The following MYT1L variants were observed in gnomAD, a reference collection of about 807,000 sequenced individuals.
MYT1L encodes the protein myelin transcription factor 1 like, also known as myelin transcription factor 1-like protein.
A neutral mutation model predicts 126.7 loss-of-function variants in MYT1L; 12 were observed. The ratio of observed to expected loss-of-function variants is 0.09; its 90% CI spans 0.06 to 0.15. The LOEUF (loss-of-function observed/expected upper bound fraction) is 0.15. Ranked by LOEUF, MYT1L falls within the 10% of genes least tolerant of loss-of-function variation. MYT1L has a pLI of 1.00. For synonymous variants in MYT1L, 541 were observed against 604.2 expected (o/e 0.90, Z 1.53); for missense variants, 979 against 1,585.2 (o/e 0.62, Z 6.49).
chr2:2,139,510 G>A (rs538376481), intron 3 of MYT1L, among the ~76,000 whole-genome samples: 32 of 151,996 alleles, frequency 2.1e-4, no homozygotes, highest in African/African-American at 2.4e-4. Flanking sequence ...GTGGTGGTGC[G>A]TGCCTATAAT....
intron 3 of MYT1L, among the ~76,000 whole-genome samples, chr2:2,150,546 C>G (rs1454486625): frequency 6.6e-6 from 1 of 152,144 alleles, no homozygotes; most frequent in African/African-American, 2.4e-5. Flanking sequence ...CTCTTTCCAA[C>G]TAAGACCAAT....
At chr2:2,076,545 A>T (rs991197214) in intron 3 of MYT1L, among the ~76,000 whole-genome samples, 73 of 152,216 alleles carry the variant, frequency 4.8e-4, no homozygotes, top group African/African-American at 1.7e-3. Flanking sequence ...AAGAACTCGA[A>T]AGAAAAAGAA....
At chr2:2,015,012 C>T (rs575522863) in intron 4 of MYT1L, among the ~76,000 whole-genome samples, 2 of 152,266 alleles carry the variant, frequency 1.3e-5, no homozygotes, top group African/African-American at 4.8e-5. Flanking sequence ...GCGTTAAAAT[C>T]AAAATTGTGT....
At chr2:1,847,412 G>T (rs2148480262) in intron 19 of MYT1L, among the ~76,000 whole-genome samples, 1 of 152,262 alleles carries the variant, frequency 6.6e-6, no homozygotes, top group African/African-American at 2.4e-5. Context: ...CTTCTGCATT[G>T]GAACAACTCC....
Position 1,979,543 on chromosome 2 carries a change from G to C in MYT1L, c.67C>G (p.Pro23Ala). Reference sequence around the variant, plus strand: ...AACCTGAACAGCTCTTGTATGGCTGGTTCCACGGGAACTGCAGAGAGATGG... The same window carrying C: ...AACCTGAACAGCTCTTGTATGGCTGCTTCCACGGGAACTGCAGAGAGATGG... ...RSKGVRVPVE[P>A]AIQELFSCPT... Residue 23 changes from proline (P) to alanine (A), a missense_variant, in exon 7 of 25, where the codon CCA (proline) becomes GCA (alanine). Pro to Ala is a conservative substitution (Grantham distance 27). Around this residue, in one of 12 missense-constraint regions of MYT1L, gnomAD observed 50 missense variants for 48.6 expected, o/e 1.03. Transcript: ENST00000647738. The surrounding 1 kb of genome is among the most constrained non-coding windows in gnomAD (Gnocchi z 4.0). 1 of 1,613,750 alleles carries C rather than the reference G, an allele frequency of 6.2e-7. No homozygotes were observed.
intron 4 of MYT1L, among the ~76,000 whole-genome samples, chr2:2,002,580 C>T (rs749197777): frequency 1.3e-5 from 2 of 152,194 alleles, no homozygotes; most frequent in East Asian, 3.9e-4. Context: ...AAGCATTATA[C>T]TAACTGCAAA....
chr2:1,928,669 G>GT lies in MYT1L; in HGVS notation c.506-5407dup, dbSNP rs373620284. Among the ~76,000 whole-genome samples, 1,093 of 151,680 alleles carry GT rather than the reference G, an allele frequency of 7.2e-3. 12 individuals are homozygous for GT. The highest frequency in any genetic ancestry group is 0.024 in the African/African-American group (1,001 of 41,364). On this transcript the variant is annotated intron_variant, in intron 9 of 24. Transcript: ENST00000647738. Reference sequence around the variant, plus strand: ...TGCTATTTTTGCATTTATCTTCCGAGTTTTTTTTTCTCCTTTCAATACTCT... The same window carrying GT: ...TGCTATTTTTGCATTTATCTTCCGAGTTTTTTTTTTCTCCTTTCAATACTCT...
intron 5 of MYT1L, among the ~76,000 whole-genome samples, chr2:1,985,611 C>T (rs1011873915): frequency 5.9e-5 from 9 of 152,200 alleles, no homozygotes; most frequent in African/African-American, 1.4e-4. Flanking sequence ...GACAACAACA[C>T]GTATTATCAT....
intron 5 of MYT1L, among the ~76,000 whole-genome samples, chr2:1,995,943 C>CA (rs2061799379): frequency 2.0e-5 from 3 of 152,014 alleles, no homozygotes; most frequent in Non-Finnish European, 2.9e-5. Context: ...AAGATGGGGT[C>CA]AATCCAGCCA....
intron 4 of MYT1L, among the ~76,000 whole-genome samples, chr2:2,039,720 A>C (rs2067314153): frequency 1.3e-5 from 2 of 152,332 alleles, no homozygotes; most frequent in Admixed American, 1.3e-4. Flanking sequence ...ATTTGGGCAT[A>C]GAAGTTGAGC....
rs773527884 is a variant in MYT1L at position 2,103,227 on chromosome 2, TG to T, written c.-303-49105del. ...AGCAATGAAACAAATATACTTACAATGGCCTCTACATGGGCCCAAATTTGAA... is the reference window on the plus strand; with the variant it reads ...AGCAATGAAACAAATATACTTACAATGCCTCTACATGGGCCCAAATTTGAA... On this transcript the variant is annotated intron_variant, in intron 3 of 24. Coordinates refer to ENST00000647738, the MANE Select transcript of MYT1L (RefSeq NM_001303052.2). 6.6e-5 allele frequency among the ~76,000 whole-genome samples: 10 copies of T among 152,294 alleles called. No individual in the cohort carries two copies. The South Asian group carries it at 1.2e-3, about 19-fold the overall frequency.
At chr2:2,261,169 A>G (rs952003614) in intron 2 of MYT1L, among the ~76,000 whole-genome samples, 6 of 140,574 alleles carry the variant, frequency 4.3e-5, no homozygotes, top group Admixed American at 7.1e-5. Flanking sequence ...GTGTGTGTGT[A>G]TGTGTTTCCA....
rs114899903 is a variant in MYT1L, at chr2:1,996,245, T to C, written c.-1+946A>G. On this transcript the variant is annotated intron_variant, in intron 5 of 24. Coordinates refer to ENST00000647738, the MANE Select transcript of MYT1L (RefSeq NM_001303052.2). Reference sequence around the variant, plus strand: ...GAGCACACAACCTAACCGTCTACAGTGGGGGCCGCCCTGCCTCAGTGTGGA... The same window carrying C: ...GAGCACACAACCTAACCGTCTACAGCGGGGGCCGCCCTGCCTCAGTGTGGA... Among the ~76,000 whole-genome samples, 846 of 152,318 alleles carry C rather than the reference T, an allele frequency of 5.6e-3. 7 individuals are homozygous for C. Among genetic ancestry groups the C allele is most frequent in the African/African-American group, 0.019 (794 of 41,576 alleles).
At chr2:2,167,119 G>A (rs987180605) in intron 3 of MYT1L, among the ~76,000 whole-genome samples, 5 of 152,158 alleles carry the variant, frequency 3.3e-5, no homozygotes, top group Non-Finnish European at 2.9e-5. Context: ...TAAAGGGCTG[G>A]TGCTTCTTGC....
At chr2:1,881,355 C>CGTGTGTGTGTGTGTGTGTGT (rs59171974) in intron 18 of MYT1L, among the ~76,000 whole-genome samples, 4 of 139,226 alleles carry the variant, frequency 2.9e-5, no homozygotes, top group East Asian at 2.2e-4. Flanking sequence ...TTTGCAGGTT[C>CGTGTGTGTGTGTGTGTGTGT]GTGTGTGTGT....
At chr2:1,960,498 G>A (rs114414164) in intron 8 of MYT1L, among the ~76,000 whole-genome samples, 1,862 of 152,290 alleles carry the variant, frequency 0.012, 43 homozygotes, top group African/African-American at 0.042. Flanking sequence ...TAAAGTCAAC[G>A]TGCTTAGTGT....
At chr2:2,257,949 A>G (rs1448993321) in intron 2 of MYT1L, among the ~76,000 whole-genome samples, 1 of 134,536 alleles carries the variant, frequency 7.4e-6, no homozygotes. Context: ...ATCCTAAGCC[A>G]AAAGAACAAA....
chr2:2,234,361 C>T (rs7605013), intron 2 of MYT1L, among the ~76,000 whole-genome samples: 5 of 152,292 alleles, frequency 3.3e-5, no homozygotes, highest in African/African-American at 9.6e-5. Context: ...TGAAGACAGA[C>T]GCACACATTT....
intron 2 of MYT1L, among the ~76,000 whole-genome samples, chr2:2,205,173 C>T (rs952345020): frequency 6.0e-5 from 9 of 149,898 alleles, no homozygotes; most frequent in East Asian, 2.0e-4. Context: ...TGCTAAATGA[C>T]GAGTTAATGG....
Sources: gnomAD v4.1 joint callset for allele counts (sites outside exome capture counted in the v4.1 genomes callset) on GRCh38, gnomAD v4.1.1 for gene constraint, gnomAD v4.1.1 regional missense constraint, Gnocchi (gnomAD v3.1) non-coding constraint, MANE v1.5 for transcripts, NCBI Gene and HGNC (gene_info 2026-07-23, HGNC 2026-07-21) for gene names.